Variants in PHACTR1 observed in about 807,000 individuals in gnomAD.
PHACTR1 encodes the protein RPEL repeat containing 1.
A neutral mutation model predicts 69.2 loss-of-function variants in PHACTR1; 16 were observed. The observed-to-expected ratio is 0.23, with a 90% CI of 0.16 to 0.35. PHACTR1 has a LOEUF of 0.35. Ranked by LOEUF, PHACTR1 falls within the 10% of genes least tolerant of loss-of-function variation. The pLI, the probability that PHACTR1 is intolerant of heterozygous loss-of-function variation, is 1.00. For synonymous variants in PHACTR1, 312 were observed against 284.5 expected (o/e 1.10, Z -0.97); for missense variants, 510 against 734.7 (o/e 0.69, Z 3.54).
At chr6:12,860,891 T>A (rs1780875121) in intron 4 of PHACTR1, among the ~76,000 whole-genome samples, 1 of 151,994 alleles carries the variant, frequency 6.6e-6, no homozygotes, top group South Asian at 2.1e-4. Context: ...ACAAAATTCA[T>A]TGCTGATGTA....
At chr6:13,072,003 A>G (rs1025268246) in intron 5 of PHACTR1, among the ~76,000 whole-genome samples, 1 of 152,242 alleles carries the variant, frequency 6.6e-6, no homozygotes, top group Non-Finnish European at 1.5e-5. Context: ...AAAAAAGGTT[A>G]TACAATTTAT....
chr6:12,892,221 C>T (rs971343563), intron 4 of PHACTR1, among the ~76,000 whole-genome samples: 2 of 151,300 alleles, frequency 1.3e-5, no homozygotes, highest in African/African-American at 2.4e-5. Flanking sequence ...TGTCAAAATT[C>T]GTAGTCTTTG....
chr6:13,270,184 C>A (rs1425012445), intron 10 of PHACTR1, among the ~76,000 whole-genome samples: 1 of 152,230 alleles, frequency 6.6e-6, no homozygotes, highest in Non-Finnish European at 1.5e-5. Context: ...CAGGGAAACA[C>A]TTACTTTACC....
At chr6:13,195,016 C>T (rs1300421303) in intron 7 of PHACTR1, among the ~76,000 whole-genome samples, 2 of 152,078 alleles carry the variant, frequency 1.3e-5, no homozygotes, top group Non-Finnish European at 2.9e-5. Context: ...TTTTTCATTA[C>T]TCTTGTTTCT....
chr6:12,903,487 T>A (rs185486744), intron 4 of PHACTR1, among the ~76,000 whole-genome samples: 1 of 152,328 alleles, frequency 6.6e-6, no homozygotes, highest in African/African-American at 2.4e-5. Context: ...AGGACTGGAC[T>A]CCATCCTTCT....
intron 10 of PHACTR1, among the ~76,000 whole-genome samples, chr6:13,233,973 T>C (rs1027473499): frequency 2.0e-5 from 3 of 152,224 alleles, no homozygotes; most frequent in Admixed American, 1.3e-4. Context: ...CAGGCATGCC[T>C]AGCAAATTGG....
intron 5 of PHACTR1, among the ~76,000 whole-genome samples, chr6:13,105,400 G>T (rs2127878307): frequency 6.6e-6 from 1 of 152,162 alleles, no homozygotes; most frequent in South Asian, 2.1e-4. Context: ...TCGGGGGCGG[G>T]GTGGGGGTGT....
intron 3 of PHACTR1, among the ~76,000 whole-genome samples, chr6:12,720,600 TC>T (rs1265874613): frequency 2.6e-5 from 4 of 152,148 alleles, no homozygotes; most frequent in Non-Finnish European, 5.9e-5. Context: ...CTACTGTTGC[TC>T]CCTGGAGTCA....
chr6:12,763,211 TCAAAAA>T (rs1318358239), intron 4 of PHACTR1, among the ~76,000 whole-genome samples: 10 of 123,930 alleles, frequency 8.1e-5, no homozygotes, highest in African/African-American at 3.2e-4. Flanking sequence ...AAACTCCGTC[TCAAAAA>T]CAACAACAAC....
intron 5 of PHACTR1, among the ~76,000 whole-genome samples, chr6:13,102,902 A>C (rs1213223827): frequency 6.6e-6 from 1 of 152,178 alleles, no homozygotes; most frequent in Admixed American, 6.5e-5. Context: ...TGCTTCCTTT[A>C]TGGCCAGCCA....
intron 4 of PHACTR1, among the ~76,000 whole-genome samples, chr6:13,031,025 C>A (rs948387558): frequency 1.9e-4 from 29 of 152,160 alleles, no homozygotes; most frequent in Admixed American, 5.2e-4. Flanking sequence ...TGGTGACAAT[C>A]AAAAATATTC....
intron 4 of PHACTR1, among the ~76,000 whole-genome samples, chr6:12,968,176 TG>T (rs1793725334): frequency 6.6e-6 from 1 of 152,196 alleles, no homozygotes; most frequent in African/African-American, 2.4e-5. Flanking sequence ...TGGAATCGCA[TG>T]CCCGCTTCCC....
chr6:13,174,174 G>A (rs1278116957), intron 6 of PHACTR1, among the ~76,000 whole-genome samples: 4 of 152,202 alleles, frequency 2.6e-5, no homozygotes, highest in Non-Finnish European at 5.9e-5. Flanking sequence ...CTCCATTTGA[G>A]ATGCACAAAG....
chr6:12,770,394 C>A (rs1486138042), intron 4 of PHACTR1, among the ~76,000 whole-genome samples: 1 of 152,128 alleles, frequency 6.6e-6, no homozygotes, highest in Non-Finnish European at 1.5e-5. Flanking sequence ...CAAAGCATCA[C>A]TGGGCACAGG....
Position 12,717,567 on chromosome 6 carries a change from G to A in PHACTR1, c.-223G>A, listed in dbSNP as rs955518870. On this transcript the variant is annotated 5_prime_UTR_variant, in exon 2 of 15. Coordinates refer to ENST00000332995, the MANE Select transcript of PHACTR1 (RefSeq NM_030948.6). ...TCCGTTGCTAAGGTAACGTGCTCTG[G>A]CCATTTTATCTGATAAAGGAAGTCC... is the stretch of plus-strand genomic sequence containing the variant. 6.6e-6 allele frequency: 1 copy of A among 151,990 alleles called. No homozygotes were observed. Among genetic ancestry groups the A allele is most frequent in the Non-Finnish European group, 1.5e-5 (1 of 68,006 alleles). 9.4% of individuals were successfully genotyped at this position (151,990 alleles called of 1,614,324 possible).
In PHACTR1 at chr6:13,013,091, C is replaced by T. The variant is rs145311205; in HGVS notation, c.251-40274C>T. ...TTTTTTAAAGAAAAGACCCTGTTCTCCCTTTGGAAATCCTGGTAGATGTCA... is the reference window on the plus strand; with the variant it reads ...TTTTTTAAAGAAAAGACCCTGTTCTTCCTTTGGAAATCCTGGTAGATGTCA... On this transcript the variant is annotated intron_variant, in intron 4 of 14. Transcript: ENST00000332995. 3.3e-5 allele frequency among the ~76,000 whole-genome samples: 5 copies of T among 152,316 alleles called. No homozygotes were observed. In the East Asian group the frequency reaches 9.6e-4, roughly 29 times the overall value.
intron 5 of PHACTR1, among the ~76,000 whole-genome samples, chr6:13,108,137 A>G (rs987835157): frequency 1.3e-5 from 2 of 152,030 alleles, no homozygotes; most frequent in African/African-American, 4.8e-5. Context: ...TCTTGGACTC[A>G]TTGATTATGT....
intron 3 of PHACTR1, among the ~76,000 whole-genome samples, chr6:12,735,327 A>G (rs959073683): frequency 1.3e-5 from 2 of 152,206 alleles, no homozygotes; most frequent in African/African-American, 2.4e-5. Context: ...GTGATATACT[A>G]TCACTTATAG....
chr6:13,253,599 T>C (rs779337503), intron 10 of PHACTR1, among the ~76,000 whole-genome samples: 4 of 152,188 alleles, frequency 2.6e-5, no homozygotes, highest in Non-Finnish European at 4.4e-5. Context: ...GGACAATAAG[T>C]ACAGTGATAC....
Sources: allele counts gnomAD v4.1 joint callset (sites outside exome capture counted in the v4.1 genomes callset), GRCh38; gene constraint gnomAD v4.1.1; transcripts MANE v1.5; gene names NCBI Gene and HGNC (gene_info 2026-07-23, HGNC 2026-07-21).